ITCH: variants seen among roughly 807,000 people sequenced by gnomAD.
The protein encoded by ITCH is itchy E3 ubiquitin protein ligase.
ITCH carries 28 observed loss-of-function variants against 126.8 expected under a neutral mutation model. The observed-to-expected ratio is 0.22, with a 90% CI of 0.16 to 0.30. ITCH has a LOEUF of 0.30. Ranked by LOEUF, ITCH falls within the 10% of genes least tolerant of loss-of-function variation. The pLI is 1.00. For missense variants in ITCH, 631 were observed against 1,032.4 expected, an observed-to-expected ratio of 0.61 and a Z score of 5.33; for synonymous variants, 342 against 340.0, an observed-to-expected ratio of 1.01 and a Z score of -0.06.
chr20:34,393,853 C>G lies in ITCH; in HGVS notation c.42C>G (p.Leu14=). The G allele has an allele frequency of 6.2e-7, 1 of 1,614,070 alleles. No individual in the cohort carries two copies. The highest frequency in any genetic ancestry group is 8.5e-7 in the Non-Finnish European group (1 of 1,179,950). The change falls in exon 3 of 25, where the codon CTC becomes CTG. Residue 14 remains leucine (L), a synonymous_variant. Coordinates refer to ENST00000374864, the MANE Select transcript of ITCH (RefSeq NM_031483.7). The part of the protein sequence containing the change: ...SGSQLGSMGS[L]TMKSQLQITV... ...CACAACTTGGTTCAATGGGTAGCCT[C>G]ACCATGAAATCACAGCTTCAGATCA...
At chr20:34,495,978 A>G (rs1221393815) in intron 23 of ITCH, among the ~76,000 whole-genome samples, 1 of 151,640 alleles carries the variant, frequency 6.6e-6, no homozygotes, top group Non-Finnish European at 1.5e-5. Context: ...CACGCCTGTA[A>G]TCCCAGCTGC....
intron 2 of ITCH, among the ~76,000 whole-genome samples, chr20:34,386,713 T>G (rs923921246): frequency 6.6e-6 from 1 of 152,218 alleles, no homozygotes; most frequent in Non-Finnish European, 1.5e-5. Context: ...TTATGTTGGG[T>G]GTGTTATTTC....
chr20:34,388,155 A>G (rs1357800158), intron 2 of ITCH, among the ~76,000 whole-genome samples: 8 of 149,698 alleles, frequency 5.3e-5, no homozygotes, highest in Admixed American at 2.0e-4. Flanking sequence ...TGGAATGCAG[A>G]GGTGCAGTCA....
chr20:34,399,519 G>C (rs2038796131), intron 3 of ITCH, among the ~76,000 whole-genome samples: 1 of 151,050 alleles, frequency 6.6e-6, no homozygotes. Context: ...GTGGTGTTTG[G>C]ATTGCTGCTA....
intron 1 of ITCH, among the ~76,000 whole-genome samples, chr20:34,369,053 G>T (rs1330181269): frequency 6.6e-6 from 1 of 152,180 alleles, no homozygotes; most frequent in East Asian, 1.9e-4. Flanking sequence ...AGGTCAGCTG[G>T]GTGTGGTGGC....
In ITCH at chr20:34,393,128, G is replaced by A. The variant is rs75159553; in HGVS notation, c.-21-663G>A. On this transcript the variant is annotated intron_variant, in intron 2 of 24. Coordinates refer to ENST00000374864, the MANE Select transcript of ITCH (RefSeq NM_031483.7). ...CCTTTTCTCCAATTTATCTGCCTGC[G>A]TTTTGTCAGACGATTTTCAGCGAAC... Among the ~76,000 whole-genome samples the A allele has an allele frequency of 8.0e-3, 1,223 of 152,168 alleles. 20 individuals carry two copies. Among genetic ancestry groups the A allele is most frequent in the African/African-American group, 0.028 (1,173 of 41,508 alleles).
At chr20:34,464,980 G>T (rs903215789) in intron 14 of ITCH, among the ~76,000 whole-genome samples, 1 of 152,166 alleles carries the variant, frequency 6.6e-6, no homozygotes, top group African/African-American at 2.4e-5. Flanking sequence ...AAAGAGTAGG[G>T]ATTACAGGCA....
intron 17 of ITCH, among the ~76,000 whole-genome samples, chr20:34,478,115 A>G (rs1321853083): frequency 3.3e-5 from 5 of 152,214 alleles, no homozygotes; most frequent in African/African-American, 1.2e-4. Context: ...ACAGAATTTT[A>G]TAGGATGATG....
chr20:34,442,874 G>T (rs1259071126), intron 10 of ITCH, among the ~76,000 whole-genome samples: 2 of 151,206 alleles, frequency 1.3e-5, no homozygotes, highest in Non-Finnish European at 2.9e-5. Flanking sequence ...TACTTGGGAG[G>T]CTGAGGCAGG....
At chr20:34,372,790 G>C (rs1364015430) in intron 2 of ITCH, among the ~76,000 whole-genome samples, 1 of 152,082 alleles carries the variant, frequency 6.6e-6, no homozygotes, top group Non-Finnish European at 1.5e-5. Context: ...TATTGTGCTA[G>C]GTTCCAAGGG....
At chr20:34,393,333 A>T (rs1004694430) in intron 2 of ITCH, among the ~76,000 whole-genome samples, 1 of 152,174 alleles carries the variant, frequency 6.6e-6, no homozygotes, top group Non-Finnish European at 1.5e-5. Context: ...ATATAGTGAG[A>T]TCCTGTCTCT....
intron 12 of ITCH, among the ~76,000 whole-genome samples, chr20:34,456,157 A>AG (rs1381532887): frequency 3.6e-5 from 3 of 83,806 alleles, no homozygotes; most frequent in African/African-American, 1.2e-4. Flanking sequence ...ATTTTTATAT[A>AG]TTGTGTGTGT....
At chr20:34,489,702 TTGA>T in intron 21 of ITCH, 117 bp from the exon 22 acceptor site, 1 of 778,980 alleles carries the variant, frequency 1.3e-6, no homozygotes, top group South Asian at 1.4e-5. Context: ...TGATGTATAG[TTGA>T]TAAGTCAAAG....
intron 23 of ITCH, among the ~76,000 whole-genome samples, chr20:34,497,296 A>G (rs1312683296): frequency 6.6e-6 from 1 of 151,096 alleles, no homozygotes; most frequent in Admixed American, 6.6e-5. Flanking sequence ...TGCCCAGCCA[A>G]TGATTGTTCT....
intron 2 of ITCH, among the ~76,000 whole-genome samples, chr20:34,386,387 G>C (rs2038285267): frequency 6.6e-6 from 1 of 152,080 alleles, no homozygotes; most frequent in South Asian, 2.1e-4. Flanking sequence ...TAGTGTTTTT[G>C]GGAACATGAC....
intron 19 of ITCH, 67 bp from the exon 20 acceptor site, chr20:34,480,999 G>T (rs960945000): frequency 6.6e-7 from 1 of 1,516,754 alleles, no homozygotes; most frequent in East Asian, 2.3e-5. Flanking sequence ...TGGGCCTTTC[G>T]TTAAAAACTT....
intron 11 of ITCH, 133 bp from the exon 12 acceptor site, chr20:34,449,278 C>G: frequency 1.6e-6 from 1 of 620,720 alleles, no homozygotes; most frequent in South Asian, 2.0e-5. Context: ...TATCCATAAC[C>G]ATGTGACACT....
intron 2 of ITCH, among the ~76,000 whole-genome samples, chr20:34,374,983 C>T (rs1601745109): frequency 1.3e-5 from 2 of 151,608 alleles, no homozygotes; most frequent in East Asian, 3.9e-4. Context: ...TCAGGTGATC[C>T]ACCCGCCTCG....
At chr20:34,455,223 A>G (rs1985763560) in intron 12 of ITCH, among the ~76,000 whole-genome samples, 1 of 152,222 alleles carries the variant, frequency 6.6e-6, no homozygotes, top group Admixed American at 6.5e-5. Flanking sequence ...GCTGATTTTT[A>G]GAAACTAAGC....
Sources: gnomAD v4.1 joint callset for allele counts (sites outside exome capture counted in the v4.1 genomes callset) on GRCh38, gnomAD v4.1.1 for gene constraint, MANE v1.5 for transcripts, NCBI Gene and HGNC (gene_info 2026-07-23, HGNC 2026-07-21) for gene names.